Variants in SLC41A3 observed in about 807,000 individuals in gnomAD.
SLC41A3 encodes SLC41A1-like 2.
Under a neutral mutation model 45.4 loss-of-function variants are expected in SLC41A3, and 44 were observed. The ratio of observed to expected loss-of-function variants is 0.97; its 90% CI spans 0.76 to 1.25. The LOEUF (loss-of-function observed/expected upper bound fraction) is 1.25. Among genes scored for constraint, SLC41A3 ranks in the 50% most tolerant of loss-of-function variants. The pLI, the probability that SLC41A3 is intolerant of heterozygous loss-of-function variation, is 0.00. For synonymous variants in SLC41A3, 256 were observed against 252.4 expected (o/e 1.01, Z -0.13); for missense variants, 550 against 600.6 (o/e 0.92, Z 0.88).
At position 126,058,305 on chromosome 3, in the gene SLC41A3, C is replaced by T. The variant is rs79137652; in HGVS notation, c.274-7255G>A. ...GGAATCTCTTCCTCATCCGTGATCT[C>T]GCTATTTCAGATGTAGCAACTCCCA... On this transcript the variant is annotated intron_variant, in intron 2 of 10. Transcript: ENST00000360370. 3.1e-3 allele frequency: 469 copies of T among 152,388 alleles called. 3 individuals carry two copies. Among genetic ancestry groups the T allele is most frequent in the Non-Finnish European group, 4.0e-3 (269 of 68,072 alleles). 9.4% of individuals were successfully genotyped at this position (152,388 alleles called of 1,614,324 possible). A position where few individuals can be genotyped will look rare whatever the true frequency, so the allele number is the denominator to read the frequency against.
chr3:126,017,648 G>T (rs934822956), intron 6 of SLC41A3, among the ~76,000 whole-genome samples: 7 of 152,178 alleles, frequency 4.6e-5, no homozygotes, highest in Non-Finnish European at 8.8e-5. Context: ...TAGAGTGGTC[G>T]TCTCACCCTC....
At chr3:126,088,852 C>A, upstream of SLC41A3, among the ~76,000 whole-genome samples, 1 of 152,158 alleles carries the variant, frequency 6.6e-6, no homozygotes, top group Admixed American at 6.5e-5. Flanking sequence ...AAATTAAGAG[C>A]TTGTTTGGGT....
intron 8 of SLC41A3, among the ~76,000 whole-genome samples, chr3:126,014,009 T>C (rs1940000758): frequency 6.6e-6 from 1 of 152,148 alleles, no homozygotes; most frequent in African/African-American, 2.4e-5. Flanking sequence ...CCGGGCCAGA[T>C]GGTCCAGCTG....
chr3:126,056,414 T>C (rs1203991409), intron 2 of SLC41A3: 1 of 1,614,180 alleles, frequency 6.2e-7, no homozygotes, highest in South Asian at 1.1e-5. Context: ...GACAGCAGAA[T>C]GGGCACCACG....
At chr3:126,090,247 C>T (rs953482794) in intron 1 of SLC41A3, among the ~76,000 whole-genome samples, 1 of 151,972 alleles carries the variant, frequency 6.6e-6, no homozygotes, top group African/African-American at 2.4e-5. Context: ...GGTAAAGTTC[C>T]AGCAAAGCCA....
chr3:126,072,373 A>T lies in SLC41A3; in HGVS notation c.-27-4127T>A, dbSNP rs376031395. Among the ~76,000 whole-genome samples, 161 of 62,830 alleles carry T rather than the reference A, an allele frequency of 2.6e-3. 1 individual carries two copies. The highest frequency in any genetic ancestry group is 7.0e-3 in the African/African-American group (144 of 20,448). The allele number at this position is 62,830 out of a possible 152,430, so 41.2% of individuals were successfully genotyped here. ...ATGAAAGAGAATTGTAAAAAAAAAT[A>T]AAAAAAAAAAAAGGCCAGCAAAACC... On this transcript the variant is annotated intron_variant, in intron 1 of 10. Transcript: ENST00000360370.
At chr3:126,056,849 C>G in intron 2 of SLC41A3, 1 of 1,210,760 alleles carries the variant, frequency 8.3e-7, no homozygotes, top group Non-Finnish European at 1.0e-6. Flanking sequence ...GGCTGTGTGT[C>G]CGCCGGGACC....
At chr3:126,096,395 A>C (rs1476420056) in intron 1 of SLC41A3, among the ~76,000 whole-genome samples, 4 of 137,422 alleles carry the variant, frequency 2.9e-5, no homozygotes, top group Non-Finnish European at 6.5e-5. Flanking sequence ...CCCCACCCCA[A>C]AAAAAAACAT....
At chr3:126,083,717 A>C (rs72965924) in intron 1 of SLC41A3, among the ~76,000 whole-genome samples, 11,066 of 151,554 alleles carry the variant, frequency 0.073, 677 homozygotes, top group African/African-American at 0.16. Context: ...TGCACACCGC[A>C]GCGGTGTGGG....
chr3:126,098,866 G>A (rs1945654105), intron 1 of SLC41A3, among the ~76,000 whole-genome samples: 2 of 152,088 alleles, frequency 1.3e-5, no homozygotes, highest in Admixed American at 1.3e-4. Flanking sequence ...CCCAGTGGTG[G>A]GCTGGCCAAG....
At chr3:126,094,021 T>C (rs1015743325) in intron 1 of SLC41A3, among the ~76,000 whole-genome samples, 1 of 152,238 alleles carries the variant, frequency 6.6e-6, no homozygotes, top group Admixed American at 6.5e-5. Flanking sequence ...ATATTTTGCA[T>C]TGTGAAGGGC....
intron 1 of SLC41A3, among the ~76,000 whole-genome samples, chr3:126,097,569 A>G (rs758011179): frequency 3.3e-5 from 5 of 152,218 alleles, no homozygotes; most frequent in Non-Finnish European, 2.9e-5. Flanking sequence ...TACAATAATC[A>G]TGAAATATTT....
intron 3 of SLC41A3, among the ~76,000 whole-genome samples, chr3:126,038,335 A>T (rs1942354378): frequency 6.6e-6 from 1 of 152,344 alleles, no homozygotes; most frequent in East Asian, 1.9e-4. Context: ...AGCTTGTACC[A>T]TGTGCCTGGA....
chr3:126,049,023 A>G (rs972448024), intron 3 of SLC41A3, among the ~76,000 whole-genome samples: 6 of 152,192 alleles, frequency 3.9e-5, no homozygotes, highest in South Asian at 4.1e-4. Flanking sequence ...TAATATGGCC[A>G]GGCGCGGTGG....
chr3:126,049,170 G>T (rs1025245279), intron 3 of SLC41A3, among the ~76,000 whole-genome samples: 1 of 151,792 alleles, frequency 6.6e-6, no homozygotes, highest in South Asian at 2.1e-4. Flanking sequence ...ACTGAGATAC[G>T]ATCGTTGTAG....
chr3:126,033,531 T>C, intron 4 of SLC41A3, 76 bp downstream of exon 4: 1 of 1,517,606 alleles, frequency 6.6e-7, no homozygotes, highest in Non-Finnish European at 9.0e-7. Context: ...AAGAGCTCGC[T>C]TAGCCTTCAC....
intron 1 of SLC41A3, among the ~76,000 whole-genome samples, chr3:126,090,801 G>C (rs1441482410): frequency 1.3e-5 from 2 of 152,204 alleles, no homozygotes; most frequent in African/African-American, 2.4e-5. Flanking sequence ...TTGAGGAAGA[G>C]TGGGGCATGT....
intron 2 of SLC41A3, among the ~76,000 whole-genome samples, chr3:126,053,055 C>T (rs79042523): frequency 0.027 from 4,140 of 152,290 alleles, 170 homozygotes; most frequent in African/African-American, 0.091. Flanking sequence ...CCTGTCTGGT[C>T]ACATCGGGTA....
At chr3:126,059,307 AAAGG>A (rs1330224854) in intron 2 of SLC41A3, among the ~76,000 whole-genome samples, 3,889 of 59,268 alleles carry the variant, frequency 0.066, 437 homozygotes, top group South Asian at 0.085. Context: ...AGAAAGAAAG[AAAGG>A]AAGGATGATC....
Sources: gnomAD v4.1 joint callset for allele counts (sites outside exome capture counted in the v4.1 genomes callset) on GRCh38, gnomAD v4.1.1 for gene constraint, MANE v1.5 for transcripts, NCBI Gene and HGNC (gene_info 2026-07-23, HGNC 2026-07-21) for gene names.